The following ZNF469 variants were observed in gnomAD, a reference collection of about 807,000 sequenced individuals.
ZNF469 encodes the protein zinc finger protein 469.
In ZNF469, 1 loss-of-function variant was observed where a neutral mutation model predicts 1.0. The observed-to-expected ratio is 1.00, with a 90% CI of 0.35 to 4.73. The LOEUF (loss-of-function observed/expected upper bound fraction) is 4.73. Among genes scored for constraint, ZNF469 ranks in the 30% most tolerant of loss-of-function variants. ZNF469 has a pLI of 0.16. For synonymous variants in ZNF469, 2,703 were observed against 2,363.4 expected, an observed-to-expected ratio of 1.14 and a Z score of -4.17; for missense variants, 6,100 against 5,356.3, an observed-to-expected ratio of 1.14 and a Z score of -4.33.
the ZNF469 span, among the ~76,000 whole-genome samples, chr16:88,165,600 T>G: frequency 2.6e-5 from 4 of 152,184 alleles, no homozygotes; most frequent in African/African-American, 9.7e-5. Context: ...GCACGCTAAC[T>G]TTTTTCCAAT....
chr16:88,243,490 A>G, the ZNF469 span, among the ~76,000 whole-genome samples: 2 of 152,174 alleles, frequency 1.3e-5, no homozygotes, highest in Non-Finnish European at 2.9e-5. Flanking sequence ...CTCTGTAGTC[A>G]TCTGCTGATG....
At chr16:88,166,028 C>A in the ZNF469 span, among the ~76,000 whole-genome samples, 1 of 152,248 alleles carries the variant, frequency 6.6e-6, no homozygotes, top group African/African-American at 2.4e-5. The surrounding 1 kb of genome is among the most constrained non-coding windows in gnomAD (Gnocchi z 4.5). Flanking sequence ...TTGTTACGCA[C>A]CCAGGGGCCA....
At chr16:88,280,785 T>C in the ZNF469 span, among the ~76,000 whole-genome samples, 1 of 151,600 alleles carries the variant, frequency 6.6e-6, no homozygotes, top group Non-Finnish European at 1.5e-5. Context: ...GTCAGTCCCA[T>C]GCCAATGTCA....
intron 1 of ZNF469, among the ~76,000 whole-genome samples, chr16:88,405,770 C>G (rs917352673): frequency 6.6e-6 from 1 of 152,228 alleles, no homozygotes; most frequent in Non-Finnish European, 1.5e-5. Context: ...CTGTCCCGGT[C>G]ATAGCCCGCC....
At chr16:88,324,315 G>A in the ZNF469 span, among the ~76,000 whole-genome samples, 2 of 152,270 alleles carry the variant, frequency 1.3e-5, no homozygotes, top group South Asian at 2.1e-4. Context: ...AGGCAGAGAC[G>A]CAGACCCCCA....
intron 2 of ZNF469, among the ~76,000 whole-genome samples, 79 bp from the exon 3 acceptor site, chr16:88,427,266 T>G (rs1905751962): frequency 6.6e-6 from 1 of 152,164 alleles, no homozygotes; most frequent in Non-Finnish European, 1.5e-5. Flanking sequence ...CACACCCGCA[T>G]GGAGAGCCTA....
At chr16:88,225,626 C>G in the ZNF469 span, among the ~76,000 whole-genome samples, 4 of 152,128 alleles carry the variant, frequency 2.6e-5, no homozygotes, top group African/African-American at 7.2e-5. Flanking sequence ...ACCCCACCCC[C>G]AAGGCCATGG....
chr16:88,173,875 A>T, the ZNF469 span, among the ~76,000 whole-genome samples: 2 of 152,224 alleles, frequency 1.3e-5, no homozygotes, highest in East Asian at 3.8e-4. Flanking sequence ...ATAAAAGAGA[A>T]TCATTAAAAA....
At chr16:88,277,562 C>T in the ZNF469 span, among the ~76,000 whole-genome samples, 50 of 17,210 alleles carry the variant, frequency 2.9e-3, 4 homozygotes, top group African/African-American at 6.4e-3. Flanking sequence ...CGGTCAGTAC[C>T]GTGTAGATAT....
the ZNF469 span, among the ~76,000 whole-genome samples, chr16:88,313,179 G>A: frequency 6.6e-6 from 1 of 152,058 alleles, no homozygotes; most frequent in Non-Finnish European, 1.5e-5. Flanking sequence ...AGTTTTTTCT[G>A]AGATATCTTT....
At chr16:88,347,251 C>A in the ZNF469 span, among the ~76,000 whole-genome samples, 1 of 152,168 alleles carries the variant, frequency 6.6e-6, no homozygotes, top group African/African-American at 2.4e-5. Context: ...TGGCTACATT[C>A]GATCCCCCAA....
the ZNF469 span, among the ~76,000 whole-genome samples, chr16:88,337,719 G>A: frequency 6.6e-6 from 1 of 152,172 alleles, no homozygotes; most frequent in Non-Finnish European, 1.5e-5. Context: ...GGGCGTCAGG[G>A]GCAGCTCGCC....
chr16:88,150,040 A>G, the ZNF469 span, among the ~76,000 whole-genome samples: 35,080 of 152,162 alleles, frequency 0.23, 4,756 homozygotes, highest in East Asian at 0.48. Flanking sequence ...AGGAGCAGTG[A>G]TTCATGCCTA....
the ZNF469 span, among the ~76,000 whole-genome samples, chr16:88,247,145 TAGTGAATGAGTGAATCGTGAATGACTG>T: frequency 7.1e-6 from 1 of 141,492 alleles, no homozygotes; most frequent in South Asian, 2.3e-4. Context: ...ATGAGTGAGT[TAGTGAATGAGTGAATCGTGAATGACTG>T]AGTGAATGAG....
chr16:88,325,581 C>G, the ZNF469 span, among the ~76,000 whole-genome samples: 21 of 152,250 alleles, frequency 1.4e-4, no homozygotes, highest in Non-Finnish European at 3.1e-4. Flanking sequence ...ATACCCACAC[C>G]AGGACACAGT....
At chr16:88,248,049 C>T in the ZNF469 span, among the ~76,000 whole-genome samples, 19 of 152,166 alleles carry the variant, frequency 1.2e-4, no homozygotes, top group Non-Finnish European at 2.8e-4. Flanking sequence ...CACAGGGCTG[C>T]TCCAGTGGGG....
chr16:88,432,811 G>A lies in ZNF469; in HGVS notation c.5341G>A (p.Gly1781Ser), dbSNP rs555047442. The A allele has an allele frequency of 7.4e-5, 115 of 1,550,098 alleles. No homozygotes were observed. The highest frequency in any genetic ancestry group is 2.2e-4 in the East Asian group (9 of 40,884). ...GAGAGGAGGGTTCCTCCCAGAGCCC[G>A]GCACAGCAGACCAGCCCCACCGAGG... The part of the protein sequence containing the change: ...EQRGGFLPEP[G>S]TADQPHRGAP... The change falls in exon 3 of 3, where the codon GGC becomes AGC. Residue 1781 changes from glycine to serine, a missense_variant. Transcript: ENST00000565624.
At chr16:88,187,329 C>G in the ZNF469 span, among the ~76,000 whole-genome samples, 1 of 152,252 alleles carries the variant, frequency 6.6e-6, no homozygotes, top group African/African-American at 2.4e-5. Flanking sequence ...TGTGTGACTT[C>G]AGTTTCATGG....
At chr16:88,167,091 C>G in the ZNF469 span, among the ~76,000 whole-genome samples, 1 of 124,404 alleles carries the variant, frequency 8.0e-6, no homozygotes, top group South Asian at 2.7e-4. Flanking sequence ...AGAGGGAAAT[C>G]CCATCTGTCC....
Sources: gnomAD v4.1 joint callset for allele counts (sites outside exome capture counted in the v4.1 genomes callset) on GRCh38, gnomAD v4.1.1 for gene constraint, Gnocchi (gnomAD v3.1) non-coding constraint, MANE v1.5 for transcripts, NCBI Gene and HGNC (gene_info 2026-07-23, HGNC 2026-07-21) for gene names.